Variants in HCN1 observed in about 807,000 individuals in gnomAD.
HCN1 encodes the protein potassium/sodium hyperpolarization-activated cyclic nucleotide-gated channel 1.
A neutral mutation model predicts 78.9 loss-of-function variants in HCN1; 13 were observed. The observed-to-expected ratio is 0.16, with a 90% confidence interval of 0.11 to 0.26. The LOEUF (loss-of-function observed/expected upper bound fraction) is 0.26. Ranked by LOEUF, HCN1 falls within the 10% of genes least tolerant of loss-of-function variation. The pLI, the probability that HCN1 is intolerant of heterozygous loss-of-function variation, is 1.00. For missense variants in HCN1, 810 were observed against 1,154.3 expected, an observed-to-expected ratio of 0.70 and a Z score of 4.32; for synonymous variants, 552 against 455.5, an observed-to-expected ratio of 1.21 and a Z score of -2.70.
chr5:45,595,702 T>C (rs1744477360), intron 2 of HCN1, among the ~76,000 whole-genome samples: 1 of 152,066 alleles, frequency 6.6e-6, no homozygotes, highest in Non-Finnish European at 1.5e-5. Flanking sequence ...TAAGGAGCTA[T>C]ATGACTTTAT....
chr5:45,388,390 G>A lies in HCN1; in HGVS notation c.1230+8102C>T, dbSNP rs140943982. On this transcript the variant is annotated intron_variant, in intron 4 of 7. Coordinates refer to ENST00000303230, the MANE Select transcript of HCN1 (RefSeq NM_021072.4). The stretch of plus-strand genomic sequence containing the variant: ...TGAGAAGAAGTAATATGCCTGTCCC[G>A]CTGTGTTCTCTTCCTCTTGTCATGA... Among the ~76,000 whole-genome samples, 1,220 of 152,176 alleles carry A rather than the reference G, an allele frequency of 8.0e-3. 55 individuals are homozygous for A. The highest frequency in any genetic ancestry group is 0.064 in the Admixed American group (981 of 15,262).
intron 4 of HCN1, among the ~76,000 whole-genome samples, chr5:45,374,618 G>A (rs2112015122): frequency 6.7e-6 from 1 of 150,052 alleles, no homozygotes; most frequent in Admixed American, 6.8e-5. Context: ...CAAAAACTTG[G>A]GGAGGGACTC....
intron 2 of HCN1, chr5:45,617,182 C>G (rs560023067): frequency 6.6e-6 from 1 of 152,174 alleles, no homozygotes; most frequent in African/African-American, 2.4e-5. Context: ...ATTGCTTGCA[C>G]ATGTTTTATA....
chr5:45,583,483 G>A (rs1744132855), intron 2 of HCN1, among the ~76,000 whole-genome samples: 1 of 152,080 alleles, frequency 6.6e-6, no homozygotes, highest in African/African-American at 2.4e-5. Flanking sequence ...CCAGCTTCTG[G>A]ATTGATTGAG....
At chr5:45,373,331 A>G (rs1329035103) in intron 4 of HCN1, among the ~76,000 whole-genome samples, 2 of 121,530 alleles carry the variant, frequency 1.6e-5, no homozygotes, top group African/African-American at 6.4e-5. Context: ...TATATTTCAT[A>G]TATTTAATAT....
At chr5:45,426,816 A>C (rs1579886803) in intron 3 of HCN1, among the ~76,000 whole-genome samples, 1 of 152,244 alleles carries the variant, frequency 6.6e-6, no homozygotes, top group African/African-American at 2.4e-5. Flanking sequence ...AAAACCTTAC[A>C]TTTCTTCTCC....
chr5:45,303,973 T>C (rs1340242852), intron 5 of HCN1, 134 bp from the exon 6 acceptor site: 2 of 821,270 alleles, frequency 2.4e-6, no homozygotes, highest in African/African-American at 3.4e-5. Context: ...TAAATTCTAG[T>C]AATGCGCATC....
intron 4 of HCN1, among the ~76,000 whole-genome samples, chr5:45,374,035 C>CATAATATATATTATATATATTATATAT (rs1561130061): frequency 1.2e-4 from 7 of 59,056 alleles, no homozygotes; most frequent in African/African-American, 4.7e-4. Flanking sequence ...ATATTATATA[C>CATAATATATATTATATATATTATATAT]ATAATATATA....
At chr5:45,310,573 T>A (rs1283078383) in intron 5 of HCN1, among the ~76,000 whole-genome samples, 1 of 152,128 alleles carries the variant, frequency 6.6e-6, no homozygotes, top group Non-Finnish European at 1.5e-5. Context: ...GATGGGAGCA[T>A]AAATTAGTTC....
intron 4 of HCN1, among the ~76,000 whole-genome samples, chr5:45,378,458 C>T (rs950898142): frequency 6.6e-6 from 1 of 152,058 alleles, no homozygotes; most frequent in African/African-American, 2.4e-5. Context: ...AGTTTGAGAA[C>T]CTGCCTGGAG....
chr5:45,520,867 A>C (rs1742600554), intron 2 of HCN1, among the ~76,000 whole-genome samples: 1 of 152,048 alleles, frequency 6.6e-6, no homozygotes, highest in East Asian at 1.9e-4. Context: ...GTGTTATCAC[A>C]TGTACAATGT....
At chr5:45,272,219 A>G (rs2111854554) in intron 6 of HCN1, among the ~76,000 whole-genome samples, 1 of 152,188 alleles carries the variant, frequency 6.6e-6, no homozygotes, top group African/African-American at 2.4e-5. Flanking sequence ...TAGGTGTTAC[A>G]GAGTTTTGGT....
In HCN1 at chr5:45,321,218, G is replaced by A. The variant is rs1746119448; in HGVS notation, c.1378-17379C>T. 2.0e-5 allele frequency among the ~76,000 whole-genome samples: 3 copies of A among 151,880 alleles called. No homozygotes were observed. The South Asian group carries it at 6.2e-4, about 31-fold the overall frequency. ...TTTATTTTGATTACAAATTAGGGAT[G>A]TAGAAAGAGGATGGGAACCTGATTT... On this transcript the variant is annotated intron_variant, in intron 5 of 7. Transcript: ENST00000303230.
intron 6 of HCN1, among the ~76,000 whole-genome samples, chr5:45,274,723 G>A (rs73752447): frequency 6.6e-6 from 1 of 152,108 alleles, no homozygotes; most frequent in African/African-American, 2.4e-5. Context: ...TAAACAATTT[G>A]TTCATAAACT....
chr5:45,622,541 G>C (rs1745088781), intron 2 of HCN1, among the ~76,000 whole-genome samples: 1 of 152,086 alleles, frequency 6.6e-6, no homozygotes, highest in Non-Finnish European at 1.5e-5. Context: ...TGGAGAGAGA[G>C]AGACAATTAA....
intron 2 of HCN1, among the ~76,000 whole-genome samples, chr5:45,479,473 G>T (rs1306998707): frequency 1.3e-5 from 2 of 152,296 alleles, no homozygotes; most frequent in South Asian, 2.1e-4. Flanking sequence ...AGATGGAACT[G>T]ACTCCAAATT....
intron 2 of HCN1, among the ~76,000 whole-genome samples, chr5:45,580,819 G>A (rs1487479925): frequency 6.6e-6 from 1 of 152,246 alleles, no homozygotes; most frequent in East Asian, 1.9e-4. Flanking sequence ...ATAGTTTGCT[G>A]AGAATGATGG....
At chr5:45,305,659 G>A (rs895249352) in intron 5 of HCN1, among the ~76,000 whole-genome samples, 3 of 151,550 alleles carry the variant, frequency 2.0e-5, no homozygotes, top group Admixed American at 6.6e-5. Flanking sequence ...GAAGCCATTC[G>A]AAGGAAGAAA....
intron 2 of HCN1, among the ~76,000 whole-genome samples, chr5:45,579,691 A>G (rs4866976): frequency 0.067 from 10,133 of 152,176 alleles, 421 homozygotes; most frequent in East Asian, 0.15. Context: ...ACATTTTCAT[A>G]GTTTGGAGGA....
Sources: gnomAD v4.1 joint callset for allele counts (sites outside exome capture counted in the v4.1 genomes callset) on GRCh38, gnomAD v4.1.1 for gene constraint, MANE v1.5 for transcripts, NCBI Gene and HGNC (gene_info 2026-07-23, HGNC 2026-07-21) for gene names.